Variants in WDPCP observed in about 807,000 individuals in gnomAD.
The protein encoded by WDPCP is WD repeat containing planar cell polarity effector.
Under a neutral mutation model 93.1 loss-of-function variants are expected in WDPCP, and 71 were observed. The observed-to-expected ratio is 0.76, with a 90% CI of 0.63 to 0.93. The LOEUF is 0.93. Among genes scored for constraint, WDPCP ranks in the 40% least tolerant of loss-of-function variants. The pLI is 0.00. For missense variants in WDPCP, 844 were observed against 887.4 expected (o/e 0.95, Z 0.62); for synonymous variants, 315 against 315.0 (o/e 1.00, Z 0.00).
chr2:63,323,430 G>A (rs1687278606), intron 12 of WDPCP, among the ~76,000 whole-genome samples: 1 of 152,152 alleles, frequency 6.6e-6, no homozygotes, highest in Admixed American at 6.5e-5. Context: ...GGACTATCTG[G>A]AATTTTAGGA....
chr2:63,648,354 G>A (rs543606248), intron 3 of WDPCP, among the ~76,000 whole-genome samples: 7 of 152,270 alleles, frequency 4.6e-5, no homozygotes, highest in East Asian at 1.9e-4. Context: ...ATCTGGACTC[G>A]TTGGTCACTT....
In WDPCP at chr2:63,570,913, C is replaced by CT. The variant is rs916558273; in HGVS notation, c.75+17283dup. 5.9e-4 allele frequency among the ~76,000 whole-genome samples: 86 copies of CT among 145,950 alleles called. 1 individual carries two copies. Among genetic ancestry groups the CT allele is most frequent in the Admixed American group, 1.2e-3 (17 of 14,658 alleles). On this transcript the variant is annotated intron_variant, in intron 1 of 17. Transcript: ENST00000272321. ...GAAACTTTGGGTAAATTTTTTTTTT[C>CT]TTTTTTTTTTGAGGTGGAGTCTCAT...
At chr2:63,714,884 C>T (rs1669312685) in intron 2 of WDPCP, among the ~76,000 whole-genome samples, 1 of 152,180 alleles carries the variant, frequency 6.6e-6, no homozygotes, top group Admixed American at 6.5e-5. Flanking sequence ...CATAGCAGCA[C>T]ATTCACAATA....
intron 1 of WDPCP, among the ~76,000 whole-genome samples, chr2:63,572,978 G>A (rs969009196): frequency 6.6e-6 from 1 of 152,030 alleles, no homozygotes; most frequent in Non-Finnish European, 1.5e-5. Context: ...CAGGCATAGT[G>A]GCTCACACCT....
the WDPCP span, among the ~76,000 whole-genome samples, chr2:63,835,465 G>A: frequency 6.6e-6 from 1 of 150,652 alleles, no homozygotes; most frequent in Non-Finnish European, 1.5e-5. Context: ...TACTTGTCCC[G>A]GATAAAGGCC....
At chr2:63,300,528 T>C (rs1049493335) in intron 13 of WDPCP, among the ~76,000 whole-genome samples, 7 of 152,210 alleles carry the variant, frequency 4.6e-5, no homozygotes, top group African/African-American at 9.6e-5. Flanking sequence ...GCTTCTGGAC[T>C]GACCCCAGCC....
chr2:63,452,177 G>A (rs945203997), intron 6 of WDPCP, among the ~76,000 whole-genome samples: 3 of 152,164 alleles, frequency 2.0e-5, no homozygotes, highest in Non-Finnish European at 2.9e-5. Context: ...TGACATGATT[G>A]TATATCTAGA....
At chr2:63,482,625 C>G (rs546629556) in intron 6 of WDPCP, among the ~76,000 whole-genome samples, 4 of 152,006 alleles carry the variant, frequency 2.6e-5, no homozygotes, top group African/African-American at 9.6e-5. Context: ...TTTAGAAGAA[C>G]TAGCTAACAG....
At chr2:63,636,196 G>A (rs1212876213) in intron 3 of WDPCP, among the ~76,000 whole-genome samples, 4 of 152,118 alleles carry the variant, frequency 2.6e-5, no homozygotes, top group East Asian at 1.9e-4. Flanking sequence ...AAACGTTGAC[G>A]ATGACATTGA....
At chr2:63,282,188 C>T (rs550006734) in intron 13 of WDPCP, among the ~76,000 whole-genome samples, 2 of 152,202 alleles carry the variant, frequency 1.3e-5, no homozygotes, top group East Asian at 1.9e-4. Context: ...GTTATGGTAA[C>T]CCAAAAAGCA....
intron 14 of WDPCP, among the ~76,000 whole-genome samples, chr2:63,242,730 A>T (rs985444378): frequency 6.6e-6 from 1 of 152,156 alleles, no homozygotes; most frequent in Admixed American, 6.6e-5. Context: ...CTGGGTGCAT[A>T]ATCACCCCAG....
intron 1 of WDPCP, among the ~76,000 whole-genome samples, chr2:63,517,586 T>G (rs527806121): frequency 2.6e-5 from 4 of 152,236 alleles, no homozygotes; most frequent in African/African-American, 9.6e-5. Context: ...AAGTAAAGAC[T>G]GGTTGAAGCA....
rs771198808 is a variant in WDPCP, at chr2:63,404,238, CA to C, written c.1244del (p.Leu415ArgfsTer30). ...CCCTGGGTAAGCGGTCTTCAGCCAACAGTTGGATGTTAATAGGGGATAGAGC... is the reference window on the plus strand; with the variant it reads ...CCCTGGGTAAGCGGTCTTCAGCCAACGTTGGATGTTAATAGGGGATAGAGC... ...DMALSPINIQ[L>X]LAEDRLPRET... is the part of the protein sequence containing the mutation. On this transcript the variant is annotated frameshift_variant, in exon 10 of 18. Transcript: ENST00000272321. LOFTEE classifies it high-confidence loss of function. The C allele has an allele frequency of 6.2e-7, 1 of 1,613,636 alleles. No homozygotes were observed. Among genetic ancestry groups the C allele is most frequent in the Non-Finnish European group, 8.5e-7 (1 of 1,179,688 alleles).
At chr2:63,536,731 A>G (rs992053253) in intron 1 of WDPCP, among the ~76,000 whole-genome samples, 28 of 151,898 alleles carry the variant, frequency 1.8e-4, no homozygotes, top group Non-Finnish European at 3.5e-4. Context: ...AGATAAAAAC[A>G]AACAACCAAA....
At chr2:63,832,430 G>T (rs72891012), upstream of WDPCP, among the ~76,000 whole-genome samples, 109 of 147,068 alleles carry the variant, frequency 7.4e-4, no homozygotes, top group African/African-American at 2.1e-3. Context: ...GTGTTGGGGT[G>T]GGGGGGGGAA....
chr2:63,372,703 G>C (rs1251707617), intron 12 of WDPCP, among the ~76,000 whole-genome samples: 1 of 152,040 alleles, frequency 6.6e-6, no homozygotes, highest in Non-Finnish European at 1.5e-5. Context: ...GTGGACTTTT[G>C]TGTACACTGA....
Position 63,192,409 on chromosome 2 carries a change from G to T in WDPCP, c.1916-17577C>A, listed in dbSNP as rs368435657. On this transcript the variant is annotated intron_variant, in intron 14 of 17. Transcript: ENST00000272321. Reference sequence around the variant, plus strand: ...AAAAATGTAAAGGACAAAGACTAAAGAATGATTGGGAGACTCCTGGTTGCT... The same window carrying T: ...AAAAATGTAAAGGACAAAGACTAAATAATGATTGGGAGACTCCTGGTTGCT... Among the ~76,000 whole-genome samples, 16 of 152,286 alleles carry T rather than the reference G, an allele frequency of 1.1e-4. 1 individual carries two copies. The South Asian group carries it at 1.2e-3, about 12-fold the overall frequency.
At chr2:63,514,716 G>A (rs1263823469) in intron 1 of WDPCP, among the ~76,000 whole-genome samples, 2 of 152,132 alleles carry the variant, frequency 1.3e-5, no homozygotes, top group Non-Finnish European at 2.9e-5. Flanking sequence ...ATAGAGCTCA[G>A]GAGTTAGATC....
chr2:63,639,169 G>A (rs556408033), intron 3 of WDPCP, among the ~76,000 whole-genome samples: 2 of 152,070 alleles, frequency 1.3e-5, no homozygotes, highest in South Asian at 2.1e-4. Flanking sequence ...CCTAGGAGGC[G>A]GAGGTTACAG....
Sources: allele counts gnomAD v4.1 joint callset (sites outside exome capture counted in the v4.1 genomes callset), GRCh38; gene constraint gnomAD v4.1.1; transcripts MANE v1.5; gene names NCBI Gene and HGNC (gene_info 2026-07-23, HGNC 2026-07-21).